C1QTNF3: variants seen among roughly 807,000 people sequenced by gnomAD.
C1QTNF3 encodes the protein complement C1q tumor necrosis factor-related protein 3.
Under a neutral mutation model 32.6 loss-of-function variants are expected in C1QTNF3, and 26 were observed. The ratio of observed to expected loss-of-function variants is 0.80; its 90% CI spans 0.58 to 1.11. The LOEUF is 1.11. Among genes scored for constraint, C1QTNF3 ranks in the 50% least tolerant of loss-of-function variants. The probability of loss-of-function intolerance (pLI) is 0.00; values close to 1 mark genes in which losing one functional copy is unlikely to be tolerated. For synonymous variants in C1QTNF3, 155 were observed against 146.0 expected, an observed-to-expected ratio of 1.06 and a Z score of -0.44; for missense variants, 362 against 398.2, an observed-to-expected ratio of 0.91 and a Z score of 0.77.
chr5:34,156,419 A>G, the C1QTNF3 span, among the ~76,000 whole-genome samples: 2 of 152,218 alleles, frequency 1.3e-5, no homozygotes, highest in Non-Finnish European at 2.9e-5. Flanking sequence ...AGAATAAATC[A>G]TAGTATTTAT....
chr5:34,224,547 G>A, the C1QTNF3 span, among the ~76,000 whole-genome samples: 1 of 152,114 alleles, frequency 6.6e-6, no homozygotes, highest in African/African-American at 2.4e-5. Context: ...AATAAGCAAT[G>A]GGGAAAGGAT....
the C1QTNF3 span, among the ~76,000 whole-genome samples, chr5:34,083,220 A>G: frequency 6.6e-6 from 1 of 151,520 alleles, no homozygotes; most frequent in South Asian, 2.1e-4. Context: ...TTTATAATGA[A>G]TATTTAAAGT....
the C1QTNF3 span, among the ~76,000 whole-genome samples, chr5:34,244,332 C>G: frequency 2.0e-5 from 3 of 152,096 alleles, no homozygotes; most frequent in African/African-American, 7.2e-5. Context: ...CTGCGCAGAG[C>G]CAAACAGTGA....
At chr5:34,063,462 C>T in the C1QTNF3 span, among the ~76,000 whole-genome samples, 3 of 151,200 alleles carry the variant, frequency 2.0e-5, no homozygotes, top group East Asian at 3.9e-4. Context: ...TGTTAAAGTA[C>T]TGGGTCATCA....
At chr5:34,108,062 A>G in the C1QTNF3 span, among the ~76,000 whole-genome samples, 1 of 152,162 alleles carries the variant, frequency 6.6e-6, no homozygotes, top group East Asian at 1.9e-4. Context: ...AAGAGAGAGG[A>G]GTTTTATGAG....
At chr5:34,241,111 G>T in the C1QTNF3 span, among the ~76,000 whole-genome samples, 1 of 151,654 alleles carries the variant, frequency 6.6e-6, no homozygotes, top group Admixed American at 6.6e-5. Flanking sequence ...ACCCTCAACA[G>T]TTGAGGCTTC....
At chr5:34,037,347 G>A (rs1754766531) in intron 1 of C1QTNF3, among the ~76,000 whole-genome samples, 2 of 152,176 alleles carry the variant, frequency 1.3e-5, no homozygotes, top group African/African-American at 4.8e-5. Context: ...AGAAAAAGGA[G>A]ACACAGAGGG....
the C1QTNF3 span, among the ~76,000 whole-genome samples, chr5:34,099,234 GATC>G: frequency 1.1e-4 from 16 of 152,176 alleles, no homozygotes; most frequent in East Asian, 1.9e-3. Context: ...ATAACAGATG[GATC>G]ATCATTTTTT....
At position 34,035,625 on chromosome 5, in the gene C1QTNF3, A is replaced by T. The variant is rs189356914; in HGVS notation, c.415+22T>A. On this transcript the variant is annotated intron_variant, in intron 2 of 5. Coordinates refer to ENST00000382065, the MANE Select transcript of C1QTNF3 (RefSeq NM_181435.6). ...TAGCTCAGGCTGCAATTAGATTGAC[A>T]GTATGTCTTGCTCATCCTTACCTGG... 6.1e-5 allele frequency: 93 copies of T among 1,519,936 alleles called. No homozygotes were observed. The East Asian group carries it at 1.7e-3, about 28-fold the overall frequency. 94.2% of individuals were successfully genotyped at this position (1,519,936 alleles called of 1,614,324 possible).
At chr5:34,171,223 A>AT in the C1QTNF3 span, among the ~76,000 whole-genome samples, 1 of 152,068 alleles carries the variant, frequency 6.6e-6, no homozygotes, top group South Asian at 2.1e-4. Flanking sequence ...TTCCACCGAG[A>AT]TATTTTCATT....
At chr5:34,173,960 A>T in the C1QTNF3 span, among the ~76,000 whole-genome samples, 2 of 152,210 alleles carry the variant, frequency 1.3e-5, no homozygotes, top group Non-Finnish European at 2.9e-5. Context: ...TACATGGGAA[A>T]TGCTTGGTGG....
the C1QTNF3 span, among the ~76,000 whole-genome samples, chr5:34,208,452 C>A: frequency 1.3e-5 from 2 of 151,836 alleles, no homozygotes. Flanking sequence ...ACATCCCTAG[C>A]CTCGACCACC....
the C1QTNF3 span, among the ~76,000 whole-genome samples, chr5:34,226,712 A>C: frequency 2.0e-5 from 3 of 151,738 alleles, no homozygotes. Flanking sequence ...CCCAAAACTA[A>C]ACTAAGAGCC....
chr5:34,089,433 G>A, the C1QTNF3 span, among the ~76,000 whole-genome samples: 1 of 152,106 alleles, frequency 6.6e-6, no homozygotes, highest in Non-Finnish European at 1.5e-5. Context: ...TGGTATGAAT[G>A]GAATTGGTGC....
chr5:34,125,948 T>A, the C1QTNF3 span, among the ~76,000 whole-genome samples: 1 of 152,222 alleles, frequency 6.6e-6, no homozygotes, highest in Admixed American at 6.5e-5. Context: ...GGGGCTTGCT[T>A]CAGGTGTATA....
At chr5:34,231,622 A>C in the C1QTNF3 span, among the ~76,000 whole-genome samples, 1 of 152,210 alleles carries the variant, frequency 6.6e-6, no homozygotes, top group African/African-American at 2.4e-5. Flanking sequence ...ATTGCTTCAG[A>C]GAATACAAGC....
At chr5:34,089,790 A>G in the C1QTNF3 span, among the ~76,000 whole-genome samples, 1 of 152,206 alleles carries the variant, frequency 6.6e-6, no homozygotes, top group African/African-American at 2.4e-5. Flanking sequence ...ATGGCTGGGA[A>G]CTTCTGTTGA....
chr5:34,137,149 A>T, the C1QTNF3 span, among the ~76,000 whole-genome samples: 5 of 35,596 alleles, frequency 1.4e-4, no homozygotes, highest in Non-Finnish European at 5.1e-4. Context: ...AGTATAATTA[A>T]AAAAAAAAAA....
At chr5:34,120,345 T>C in the C1QTNF3 span, among the ~76,000 whole-genome samples, 1 of 152,200 alleles carries the variant, frequency 6.6e-6, no homozygotes, top group African/African-American at 2.4e-5. Context: ...ATCTATAGTC[T>C]TGTGAAATTT....
Sources: allele counts gnomAD v4.1 joint callset (sites outside exome capture counted in the v4.1 genomes callset), GRCh38; gene constraint gnomAD v4.1.1; transcripts MANE v1.5; gene names NCBI Gene and HGNC (gene_info 2026-07-23, HGNC 2026-07-21).